Variants in PAH observed in about 807,000 individuals in gnomAD.
The protein encoded by PAH is phenylalanine hydroxylase, also known as phenylalanine-4-hydroxylase.
A neutral mutation model predicts 62.0 loss-of-function variants in PAH; 64 were observed. The ratio of observed to expected loss-of-function variants is 1.03; its 90% CI spans 0.84 to 1.27. PAH has a LOEUF of 1.27. PAH is among the 50% of genes most tolerant of loss of function. The pLI is 0.00. For missense variants in PAH, 579 were observed against 542.8 expected, an observed-to-expected ratio of 1.07 and a Z score of -0.66; for synonymous variants, 195 against 196.2, an observed-to-expected ratio of 0.99 and a Z score of 0.05.
At chr12:102,870,619 C>A in intron 4 of PAH, among the ~76,000 whole-genome samples, 1 of 152,162 alleles carries the variant, frequency 6.6e-6, no homozygotes, top group East Asian at 1.9e-4. Flanking sequence ...CCACAAGGGG[C>A]TTTTAAACCA....
At chr12:102,881,099 C>T (rs988416743) in intron 3 of PAH, among the ~76,000 whole-genome samples, 20 of 151,012 alleles carry the variant, frequency 1.3e-4, no homozygotes, top group South Asian at 2.1e-4. Flanking sequence ...CTGCAACCTA[C>T]GCCTCCCGGG....
chr12:102,861,679 T>C (rs576236519), intron 5 of PAH, among the ~76,000 whole-genome samples: 30 of 152,214 alleles, frequency 2.0e-4, no homozygotes, highest in African/African-American at 7.2e-4. Context: ...ATGTCCTTTA[T>C]AGGGACATGG....
intron 5 of PAH, among the ~76,000 whole-genome samples, chr12:102,861,098 T>C (rs1438574404): frequency 2.0e-5 from 3 of 152,192 alleles, no homozygotes; most frequent in Non-Finnish European, 4.4e-5. Flanking sequence ...GACAAAGGGA[T>C]AATATCCAGA....
intron 1 of PAH, among the ~76,000 whole-genome samples, chr12:102,949,844 C>T (rs1047277428): frequency 5.9e-5 from 9 of 152,102 alleles, no homozygotes; most frequent in Non-Finnish European, 7.4e-5. Context: ...TTGCCCCCAC[C>T]GCATGTTTTA....
chr12:102,899,474 C>T (rs1877647057), intron 2 of PAH, among the ~76,000 whole-genome samples: 1 of 152,108 alleles, frequency 6.6e-6, no homozygotes, highest in East Asian at 1.9e-4. Flanking sequence ...AGCATTTCAC[C>T]AAAACTTCTA....
At chr12:102,901,438 T>G (rs1290129109) in intron 2 of PAH, among the ~76,000 whole-genome samples, 1 of 152,218 alleles carries the variant, frequency 6.6e-6, no homozygotes, top group Admixed American at 6.5e-5. Context: ...CTAATAATTT[T>G]TGTCTTCATT....
intron 2 of PAH, among the ~76,000 whole-genome samples, chr12:102,910,902 G>A (rs901925842): frequency 9.9e-5 from 15 of 152,140 alleles, no homozygotes; most frequent in African/African-American, 3.4e-4. Flanking sequence ...GTCATGACCA[G>A]GAGGCATGGG....
intron 5 of PAH, among the ~76,000 whole-genome samples, chr12:102,858,569 G>A (rs552163710): frequency 1.3e-5 from 2 of 152,256 alleles, no homozygotes; most frequent in South Asian, 4.2e-4. Context: ...CCACATAGTT[G>A]GAAGTAAAGC....
chr12:102,900,582 G>A (rs1301040838), intron 2 of PAH, among the ~76,000 whole-genome samples: 2 of 152,116 alleles, frequency 1.3e-5, no homozygotes, highest in African/African-American at 4.8e-5. Flanking sequence ...TGAACATAGA[G>A]CTGAATTGTT....
At chr12:102,958,320 C>A in exon 1 of PAH, 1 of 1,470,678 alleles carries the variant, frequency 6.8e-7, no homozygotes. Flanking sequence ...GCCCTTCCTG[C>A]CGCCCGCAGC....
At chr12:102,863,799 C>T (rs1044438671) in intron 5 of PAH, among the ~76,000 whole-genome samples, 6 of 152,204 alleles carry the variant, frequency 3.9e-5, no homozygotes, top group African/African-American at 1.4e-4. Context: ...CAGTAGAGCT[C>T]TCCTTTATGT....
chr12:102,897,724 C>A (rs1261826089), intron 2 of PAH, among the ~76,000 whole-genome samples: 2 of 152,054 alleles, frequency 1.3e-5, no homozygotes, highest in African/African-American at 4.8e-5. Flanking sequence ...AATTGTAGAA[C>A]CAAATTCCTT....
intron 1 of PAH, among the ~76,000 whole-genome samples, chr12:102,942,081 G>A (rs7297919): frequency 0.032 from 4,809 of 152,140 alleles, 263 homozygotes; most frequent in African/African-American, 0.11. Context: ...GAGTAATCAG[G>A]CAAGAGAAAG....
intron 3 of PAH, among the ~76,000 whole-genome samples, chr12:102,882,536 A>C (rs1220912397): frequency 6.6e-6 from 1 of 151,714 alleles, no homozygotes; most frequent in Non-Finnish European, 1.5e-5. Context: ...CACATAGTAG[A>C]CAGTATTACT....
chr12:102,923,055 C>G (rs931805806), intron 1 of PAH, among the ~76,000 whole-genome samples: 1 of 152,204 alleles, frequency 6.6e-6, no homozygotes, highest in South Asian at 2.1e-4. Context: ...ACATTGTATA[C>G]TTTACCACTG....
intron 3 of PAH, among the ~76,000 whole-genome samples, chr12:102,885,265 A>G (rs1876984178): frequency 6.6e-6 from 1 of 152,184 alleles, no homozygotes; most frequent in Non-Finnish European, 1.5e-5. Context: ...TCTTTAGTGA[A>G]GGCTGCAGGT....
At chr12:102,948,113 A>C (rs1392088619) in intron 1 of PAH, among the ~76,000 whole-genome samples, 2 of 152,228 alleles carry the variant, frequency 1.3e-5, no homozygotes, top group Non-Finnish European at 1.5e-5. Flanking sequence ...AATGTTCAAA[A>C]AATTTGTCAG....
At chr12:102,955,642 A>G (rs1593010475), upstream of PAH, among the ~76,000 whole-genome samples, 3 of 152,112 alleles carry the variant, frequency 2.0e-5, no homozygotes, top group South Asian at 6.2e-4. Flanking sequence ...AATAATTCCT[A>G]TTTCTGCAAG....
Position 102,866,638 on chromosome 12 carries a change from G to T in PAH, c.467C>A (p.Ala156Glu), listed in dbSNP as rs570748767. Residue 156 changes from alanine to glutamate, a missense_variant, in exon 5 of 13, where the codon GCA (alanine) becomes GAA (glutamate). By Grantham distance (107) the Ala-to-Glu change is moderately radical (BLOSUM62 -1). Transcript: ENST00000553106. The stretch of plus-strand genomic sequence containing the variant: ...AATGTCAGCAAACTGCTTCCGTCTT[G>T]CACGGTACACAGGATCTTTAAAACC... ...HPGFKDPVYR[A>E]RRKQFADIAY... 3.1e-6 allele frequency: 5 copies of T among 1,613,696 alleles called. No homozygotes were observed. The East Asian group carries it at 1.1e-4, about 36-fold the overall frequency.
Sources: allele counts gnomAD v4.1 joint callset (sites outside exome capture counted in the v4.1 genomes callset), GRCh38; gene constraint gnomAD v4.1.1; transcripts MANE v1.5; gene names NCBI Gene and HGNC (gene_info 2026-07-23, HGNC 2026-07-21).